Variants in PTBP3 observed in about 807,000 individuals in gnomAD.
PTBP3 encodes the protein polypyrimidine tract binding protein 3, also known as polypyrimidine tract-binding protein 3.
PTBP3 carries 20 observed loss-of-function variants against 58.7 expected under a neutral mutation model. That is an observed-to-expected ratio of 0.34 (90% CI 0.24 to 0.50). PTBP3 has a LOEUF of 0.50. Ranked by LOEUF, PTBP3 falls within the 20% of genes least tolerant of loss-of-function variation. PTBP3 has a pLI of 0.98. For synonymous variants in PTBP3, 185 were observed against 219.8 expected (o/e 0.84, Z 1.40); for missense variants, 509 against 637.2 (o/e 0.80, Z 2.17).
chr9:112,273,084 G>C (rs2132186676), intron 3 of PTBP3, among the ~76,000 whole-genome samples: 1 of 152,256 alleles, frequency 6.6e-6, no homozygotes, highest in East Asian at 1.9e-4. Flanking sequence ...TGTAACAAGT[G>C]AACCAATGAA....
intron 7 of PTBP3, among the ~76,000 whole-genome samples, chr9:112,240,400 G>A (rs1835608094): frequency 6.6e-6 from 1 of 152,052 alleles, no homozygotes. Flanking sequence ...GATTATAATG[G>A]AACTGAAAAA....
At chr9:112,226,414 T>A (rs1834992545) in intron 12 of PTBP3, among the ~76,000 whole-genome samples, 1 of 152,186 alleles carries the variant, frequency 6.6e-6, no homozygotes, top group African/African-American at 2.4e-5. Context: ...AGTTTTTAAA[T>A]TTTTACACAC....
the PTBP3 span, among the ~76,000 whole-genome samples, chr9:112,353,915 G>A: frequency 1.3e-5 from 2 of 152,000 alleles, no homozygotes; most frequent in Admixed American, 1.3e-4. Context: ...CCAAGATCAT[G>A]CCACTGCACT....
intron 2 of PTBP3, among the ~76,000 whole-genome samples, chr9:112,279,341 A>C (rs554598518): frequency 6.1e-4 from 93 of 152,332 alleles, no homozygotes; most frequent in African/African-American, 1.8e-3. Context: ...TAAAAACTAC[A>C]AAATGCCCAC....
chr9:112,300,107 T>C (rs368570738), intron 1 of PTBP3, among the ~76,000 whole-genome samples: 8 of 152,218 alleles, frequency 5.3e-5, no homozygotes, highest in Non-Finnish European at 1.0e-4. Flanking sequence ...TTAGTAATAA[T>C]GTGGGGTGAC....
chr9:112,345,798 C>T, the PTBP3 span, among the ~76,000 whole-genome samples: 12 of 152,014 alleles, frequency 7.9e-5, no homozygotes, highest in Non-Finnish European at 1.8e-4. Flanking sequence ...ATTTGTATAT[C>T]ATGAAGTCAA....
chr9:112,256,200 G>A (rs1045052039), intron 5 of PTBP3, among the ~76,000 whole-genome samples: 11 of 149,026 alleles, frequency 7.4e-5, no homozygotes, highest in Non-Finnish European at 1.6e-4. Context: ...GTTGCAGTGA[G>A]CTGAAATCGG....
intron 2 of PTBP3, among the ~76,000 whole-genome samples, chr9:112,285,318 A>G (rs1260343156): frequency 2.0e-5 from 3 of 152,182 alleles, no homozygotes; most frequent in Admixed American, 2.0e-4. Flanking sequence ...CCATGATTGT[A>G]AGTTTCCTGA....
intron 1 of PTBP3, among the ~76,000 whole-genome samples, chr9:112,299,326 A>T (rs1828817581): frequency 6.6e-6 from 1 of 152,212 alleles, no homozygotes; most frequent in Admixed American, 6.5e-5. Flanking sequence ...TTTTTTCAAG[A>T]ATAACAAAAA....
At chr9:112,234,021 C>T (rs1835352432) in intron 8 of PTBP3, among the ~76,000 whole-genome samples, 1 of 151,942 alleles carries the variant, frequency 6.6e-6, no homozygotes, top group African/African-American at 2.4e-5. Flanking sequence ...CAGAAAGCAG[C>T]TATGTTGCAA....
rs922403734 is a variant in PTBP3, at chr9:112,231,506, T to G, written c.1021-93A>C. ...ACTGTAATGGCAGTTGATTTTATTTTAAAGCATGGTTTTATATGCTTCTTC... is the reference window on the plus strand; with the variant it reads ...ACTGTAATGGCAGTTGATTTTATTTGAAAGCATGGTTTTATATGCTTCTTC... On this transcript the variant is annotated intron_variant, in intron 9 of 13. Coordinates refer to ENST00000374257, the MANE Select transcript of PTBP3 (RefSeq NM_001163788.4). 3.7e-5 allele frequency: 40 copies of G among 1,073,824 alleles called. No individual in the cohort carries two copies. The East Asian group carries it at 9.8e-4, about 26-fold the overall frequency. The allele number at this position is 1,073,824 out of a possible 1,614,324, so 66.5% of individuals were successfully genotyped here.
intron 10 of PTBP3, among the ~76,000 whole-genome samples, chr9:112,229,656 G>A (rs1379094554): frequency 6.6e-6 from 1 of 151,980 alleles, no homozygotes; most frequent in Non-Finnish European, 1.5e-5. Flanking sequence ...TTCCGAATTT[G>A]CTACCTTTCT....
intron 4 of PTBP3, among the ~76,000 whole-genome samples, chr9:112,266,214 C>T (rs947698016): frequency 6.6e-6 from 1 of 152,014 alleles, no homozygotes; most frequent in Non-Finnish European, 1.5e-5. Context: ...TGTGAGTGTA[C>T]TTAATGCCAT....
At chr9:112,368,461 G>A in the PTBP3 span, among the ~76,000 whole-genome samples, 7 of 152,116 alleles carry the variant, frequency 4.6e-5, no homozygotes, top group South Asian at 2.1e-4. Flanking sequence ...GTGAGCCACC[G>A]TGCCCAGCCC....
intron 4 of PTBP3, among the ~76,000 whole-genome samples, chr9:112,265,606 A>G (rs1836768656): frequency 6.6e-6 from 1 of 152,162 alleles, no homozygotes; most frequent in Non-Finnish European, 1.5e-5. Flanking sequence ...TTGGAATTCA[A>G]AAGGTAGTAA....
At chr9:112,304,797 A>AT (rs1262136994) in intron 1 of PTBP3, among the ~76,000 whole-genome samples, 1 of 151,982 alleles carries the variant, frequency 6.6e-6, no homozygotes, top group Non-Finnish European at 1.5e-5. Context: ...TTGATCGCTT[A>AT]TTTTTTATTT....
intron 7 of PTBP3, among the ~76,000 whole-genome samples, chr9:112,250,726 T>C (rs1836076768): frequency 6.6e-6 from 1 of 152,198 alleles, no homozygotes; most frequent in Non-Finnish European, 1.5e-5. Flanking sequence ...TGTAACTCAA[T>C]TTCAGATATT....
At chr9:112,267,868 T>C (rs1827165745) in intron 4 of PTBP3, among the ~76,000 whole-genome samples, 181 bp downstream of exon 4, 1 of 152,208 alleles carries the variant, frequency 6.6e-6, no homozygotes, top group African/African-American at 2.4e-5. Flanking sequence ...TAACTTCTAT[T>C]TCTAAATGGC....
chr9:112,282,385 A>G (rs1051414370), intron 2 of PTBP3, among the ~76,000 whole-genome samples: 3 of 151,974 alleles, frequency 2.0e-5, no homozygotes, highest in Non-Finnish European at 4.4e-5. Flanking sequence ...TTCATCTTTA[A>G]TATTTCCTCT....
Sources: gnomAD v4.1 joint callset for allele counts (sites outside exome capture counted in the v4.1 genomes callset) on GRCh38, gnomAD v4.1.1 for gene constraint, MANE v1.5 for transcripts, NCBI Gene and HGNC (gene_info 2026-07-23, HGNC 2026-07-21) for gene names.